IL17D: variants seen among roughly 807,000 people sequenced by gnomAD.
IL17D encodes interleukin-17D.
A neutral mutation model predicts 5.7 loss-of-function variants in IL17D; 10 were observed. The observed-to-expected ratio is 1.75, with a 90% CI of 1.08 to 2.97. IL17D has a LOEUF of 2.97. Among genes scored for constraint, IL17D ranks in the 30% most tolerant of loss-of-function variants. The pLI is 0.00. For missense variants in IL17D, 354 were observed against 292.7 expected (o/e 1.21, Z -1.53); for synonymous variants, 172 against 141.7 (o/e 1.21, Z -1.52).
intron 1 of IL17D, among the ~76,000 whole-genome samples, chr13:20,718,824 C>T (rs1422044567): frequency 7.0e-6 from 1 of 143,350 alleles, no homozygotes; most frequent in South Asian, 2.3e-4. Context: ...CCACACACAC[C>T]TGCCCACACT....
intron 1 of IL17D, among the ~76,000 whole-genome samples, chr13:20,720,060 A>C (rs559194273): frequency 2.6e-5 from 4 of 151,838 alleles, no homozygotes; most frequent in East Asian, 1.9e-4. Flanking sequence ...ATTTCTCTCT[A>C]TTTCTGGTAG....
intron 1 of IL17D, among the ~76,000 whole-genome samples, chr13:20,719,490 T>C (rs2058715070): frequency 6.6e-6 from 1 of 152,126 alleles, no homozygotes; most frequent in African/African-American, 2.4e-5. Context: ...ACACCTGCCA[T>C]ACACACATGC....
chr13:20,712,835 C>G (rs1175712923), intron 1 of IL17D: 1 of 152,234 alleles, frequency 6.6e-6, no homozygotes, highest in East Asian at 1.9e-4. Context: ...CTGCCCGGGC[C>G]GGCCCACCGC....
intron 1 of IL17D, among the ~76,000 whole-genome samples, chr13:20,706,657 G>C (rs74540754): frequency 1.4e-3 from 210 of 152,394 alleles, no homozygotes; most frequent in Non-Finnish European, 2.7e-3. Flanking sequence ...ACTGGTTGGA[G>C]CTCAGGAGAC....
At chr13:20,703,578 G>A (rs566144546), upstream of IL17D, 418 of 246,918 alleles carry the variant, frequency 1.7e-3, 4 homozygotes, top group Middle Eastern at 0.014. Flanking sequence ...GGGCGTCTTA[G>A]GCTCCGGGGC....
Position 20,710,957 on chromosome 13 carries a change from C to T in IL17D, c.290+6666C>T, listed in dbSNP as rs6490606. Among the ~76,000 whole-genome samples, 15 of 151,994 alleles carry T rather than the reference C, an allele frequency of 9.9e-5. No homozygotes were observed. The East Asian group carries it at 2.5e-3, about 26-fold the overall frequency. On this transcript the variant is annotated intron_variant, in intron 1 of 1. Transcript: ENST00000682841. ...TGCTGCCATCACAGATACCACAGAGCGGGTAATTTATAAAGAGTACAAGTT... is the reference window on the plus strand; with the variant it reads ...TGCTGCCATCACAGATACCACAGAGTGGGTAATTTATAAAGAGTACAAGTT...
intron 1 of IL17D, among the ~76,000 whole-genome samples, chr13:20,719,988 C>T (rs544169941): frequency 1.5e-4 from 23 of 152,306 alleles, no homozygotes; most frequent in Admixed American, 2.6e-4. Flanking sequence ...TCTCCTGGAA[C>T]AACACGGGAT....
At chr13:20,701,856 T>C (rs2058549788), upstream of IL17D, 1 of 152,220 alleles carries the variant, frequency 6.6e-6, no homozygotes, top group African/African-American at 2.4e-5. Flanking sequence ...TTGTGATCTT[T>C]CACAAAATGA....
In IL17D at chr13:20,703,867, G is replaced by A. The variant is rs1324894602; in HGVS notation, c.-135G>A. On this transcript the variant is annotated 5_prime_UTR_variant, in exon 1 of 2. Coordinates refer to ENST00000682841, the MANE Select transcript of IL17D (RefSeq NM_001385224.1). ...CGCCCGCGCGGCTCCCATCCTCCGG[G>A]CCGGCCTCTGGCTCCGCGGGGCGAG... 4.5e-5 allele frequency: 12 copies of A among 268,166 alleles called. No homozygotes were observed. Among genetic ancestry groups the A allele is most frequent in the Non-Finnish European group, 6.8e-5 (12 of 177,428 alleles). The allele number at this position is 268,166 out of a possible 1,614,324, so 16.6% of individuals were successfully genotyped here. A position where few individuals can be genotyped will look rare whatever the true frequency, so the allele number is the denominator to read the frequency against.
chr13:20,710,371 T>C (rs1220037312), intron 1 of IL17D, among the ~76,000 whole-genome samples: 3 of 147,354 alleles, frequency 2.0e-5, no homozygotes, highest in Admixed American at 1.4e-4. Context: ...CCCAGCGCTT[T>C]GGGAGGCCGA....
At chr13:20,717,100 C>G (rs747385662) in intron 1 of IL17D, 8 of 152,386 alleles carry the variant, frequency 5.2e-5, no homozygotes, top group Non-Finnish European at 1.0e-4. Context: ...TCTCCCAGCT[C>G]AGTTTCCATC....
At chr13:20,712,166 A>G (rs1239233527) in intron 1 of IL17D, among the ~76,000 whole-genome samples, 2 of 152,268 alleles carry the variant, frequency 1.3e-5, no homozygotes, top group Admixed American at 6.5e-5. Context: ...TGCAGTCACA[A>G]GGTACTGTTC....
chr13:20,721,864 G>T lies in IL17D; in HGVS notation c.519G>T (p.Pro173=), dbSNP rs1354775544. The T allele has an allele frequency of 6.2e-7, 1 of 1,610,390 alleles. No individual in the cohort carries two copies. The highest frequency in any genetic ancestry group is 1.7e-5 in the Admixed American group (1 of 60,008). ...TGGGCTGCACCTGCGTCCCCGAGCCGGAGAAGGACGCAGACAGCATCAACT... is the reference window on the plus strand; with the variant it reads ...TGGGCTGCACCTGCGTCCCCGAGCCTGAGAAGGACGCAGACAGCATCAACT... ...IPVGCTCVPE[P]EKDADSINSS... Residue 173 remains proline, a synonymous_variant, in exon 2 of 2, where the codon CCG becomes CCT. Coordinates refer to ENST00000682841, the MANE Select transcript of IL17D (RefSeq NM_001385224.1).
chr13:20,710,492 G>A (rs1348308046), intron 1 of IL17D, among the ~76,000 whole-genome samples: 25 of 150,398 alleles, frequency 1.7e-4, no homozygotes, highest in Non-Finnish European at 1.5e-5. Flanking sequence ...AGCCGGGCAT[G>A]GTGGCACATG....
chr13:20,717,707 C>T (rs1287440589), intron 1 of IL17D, among the ~76,000 whole-genome samples: 1 of 152,222 alleles, frequency 6.6e-6, no homozygotes, highest in East Asian at 1.9e-4. Context: ...CTGCCTGAAA[C>T]CCGCCCCTGT....
At chr13:20,719,284 C>T (rs925549391) in intron 1 of IL17D, among the ~76,000 whole-genome samples, 9 of 148,206 alleles carry the variant, frequency 6.1e-5, no homozygotes, top group Non-Finnish European at 3.0e-5. Context: ...CACCTGCCCA[C>T]GCTCAGACAC....
At chr13:20,701,564 G>A (rs1260262788), upstream of IL17D, 1 of 152,164 alleles carries the variant, frequency 6.6e-6, no homozygotes, top group African/African-American at 2.4e-5. Context: ...AGTAAACCAG[G>A]GGATGAGGGA....
At chr13:20,710,664 G>C (rs1443281809) in intron 1 of IL17D, among the ~76,000 whole-genome samples, 1 of 126,282 alleles carries the variant, frequency 7.9e-6, no homozygotes, top group Non-Finnish European at 1.7e-5. Flanking sequence ...AAACCCCAAA[G>C]ATAAACACCT....
upstream of IL17D, chr13:20,703,452 G>GA (rs1484360214): frequency 2.7e-5 from 27 of 983,392 alleles, no homozygotes; most frequent in Non-Finnish European, 3.3e-5. Context: ...CGGGTACGAG[G>GA]AAAGACCACA....
Sources: allele counts gnomAD v4.1 joint callset (sites outside exome capture counted in the v4.1 genomes callset), GRCh38; gene constraint gnomAD v4.1.1; transcripts MANE v1.5; gene names NCBI Gene and HGNC (gene_info 2026-07-23, HGNC 2026-07-21).